The following CPLANE1 variants were observed in gnomAD, a reference collection of about 807,000 sequenced individuals.
CPLANE1 encodes ciliogenesis and planar polarity effector complex subunit 1, also known as ciliogenesis and planar polarity effector 1.
Under a neutral mutation model 362.5 loss-of-function variants are expected in CPLANE1, and 263 were observed. The ratio of observed to expected loss-of-function variants is 0.73; its 90% CI spans 0.66 to 0.80. CPLANE1 has a LOEUF of 0.80. Ranked by LOEUF, CPLANE1 falls within the 30% of genes least tolerant of loss-of-function variation. CPLANE1 has a pLI of 0.00. For missense variants in CPLANE1, 3,461 were observed against 3,793.4 expected (o/e 0.91, Z 2.30); for synonymous variants, 1,212 against 1,302.6 (o/e 0.93, Z 1.50).
chr5:37,226,457 G>A lies in CPLANE1; in HGVS notation c.2138C>T (p.Ser713Leu), dbSNP rs765005739. 6.4e-6 allele frequency: 10 copies of A among 1,550,834 alleles called. No homozygotes were observed. In the South Asian group the frequency reaches 1.1e-4, roughly 17 times the overall value. The part of the protein sequence containing the change: ...YILQPEVISA[S>L]ADGSKITAQD... ...AGCTGTTATTTTACTTCCATCAGCTGATGCTGAAATAACTTCAGGTTGAAG... is the reference window on the plus strand; with the variant it reads ...AGCTGTTATTTTACTTCCATCAGCTAATGCTGAAATAACTTCAGGTTGAAG... Residue 713 changes from serine (S) to leucine (L), a missense_variant, in exon 12 of 53, where the codon TCA (serine) becomes TTA (leucine). Ser to Leu is a moderately radical substitution (Grantham distance 145, BLOSUM62 -2). Around this residue, in one of 2 missense-constraint regions of CPLANE1, gnomAD observed 3,380 missense variants for 3,666.1 expected, o/e 0.92. Transcript: ENST00000651892.
At position 37,209,147 on chromosome 5, in the gene CPLANE1, C is replaced by CGCGAAGAAA. The variant is rs1791847836; in HGVS notation, c.2921-2731_2921-2723dup. Reference sequence around the variant, plus strand: ...ACGGTCCTCACTCATTCCTCAGAACCGCGAAGAAAGGAAGCTAGCGTGTTT... The same window carrying CGCGAAGAAA: ...ACGGTCCTCACTCATTCCTCAGAACCGCGAAGAAAGCGAAGAAAGGAAGCTAGCGTGTTT... On this transcript the variant is annotated intron_variant, in intron 16 of 52. Transcript: ENST00000651892. The surrounding 1 kb of genome is among the most constrained non-coding windows in gnomAD (Gnocchi z 4.6). Among the ~76,000 whole-genome samples, 4 of 152,284 alleles carry CGCGAAGAAA rather than the reference C, an allele frequency of 2.6e-5. No homozygotes were observed. Among genetic ancestry groups the CGCGAAGAAA allele is most frequent in the Admixed American group, 2.6e-4 (4 of 15,296 alleles).
intron 38 of CPLANE1, among the ~76,000 whole-genome samples, chr5:37,162,139 A>T (rs1454544545): frequency 1.3e-5 from 2 of 152,204 alleles, no homozygotes; most frequent in Non-Finnish European, 2.9e-5. Context: ...CACCTTCACT[A>T]GCCACAATCC....
At chr5:37,101,449 C>A (rs566598039), downstream of CPLANE1, among the ~76,000 whole-genome samples, 16 of 152,296 alleles carry the variant, frequency 1.1e-4, no homozygotes, top group East Asian at 1.3e-3. Context: ...AGGGAGGAAG[C>A]CGACTTGATC....
intron 4 of CPLANE1, 115 bp from the exon 5 acceptor site, chr5:37,244,722 G>T: frequency 1.4e-6 from 1 of 721,460 alleles, no homozygotes; most frequent in Non-Finnish European, 2.2e-6. Flanking sequence ...TACCATTCAG[G>T]ATGTCAAAAC....
At chr5:37,078,770 A>G in the CPLANE1 span, among the ~76,000 whole-genome samples, 10 of 148,244 alleles carry the variant, frequency 6.7e-5, no homozygotes, top group Admixed American at 5.4e-4. Context: ...GTGAGATGGT[A>G]TTTCATTGTG....
chr5:37,076,757 T>TTGAG, the CPLANE1 span, among the ~76,000 whole-genome samples: 1 of 151,456 alleles, frequency 6.6e-6, no homozygotes, highest in Non-Finnish European at 1.5e-5. Context: ...TTATTTCTTC[T>TTGAG]TGAGTTATTT....
chr5:37,185,080 C>G lies in CPLANE1; in HGVS notation c.4190-1G>C. 2 of 1,591,970 alleles carry G rather than the reference C, an allele frequency of 1.3e-6. No homozygotes were observed. The highest frequency in any genetic ancestry group is 8.5e-7 in the Non-Finnish European group (1 of 1,173,048). On this transcript the variant is annotated splice_acceptor_variant, in intron 24 of 52. Coordinates refer to ENST00000651892, the MANE Select transcript of CPLANE1 (RefSeq NM_001384732.1). LOFTEE classifies it high-confidence loss of function. ...GACATCATTTCCTCAGTCTGGGGTC[C>G]TGGAAAGAAAAGAATAAAAAGTCTT...
intron 19 of CPLANE1, among the ~76,000 whole-genome samples, chr5:37,199,651 A>C (rs1297167927): frequency 6.6e-6 from 1 of 152,204 alleles, no homozygotes; most frequent in Non-Finnish European, 1.5e-5. Flanking sequence ...CCAGTAGCTA[A>C]AGATTATTTT....
intron 43 of CPLANE1, among the ~76,000 whole-genome samples, chr5:37,144,579 C>T (rs1176246248): frequency 6.6e-6 from 1 of 151,782 alleles, no homozygotes. Context: ...AGGCCGGGCA[C>T]GGTGGCTCAT....
intron 8 of CPLANE1, among the ~76,000 whole-genome samples, chr5:37,236,735 A>C (rs1273637062): frequency 2.0e-5 from 3 of 151,992 alleles, no homozygotes; most frequent in Non-Finnish European, 4.4e-5. Flanking sequence ...AAAAAAAAAA[A>C]AACCTCATTA....
chr5:37,100,368 C>A, the CPLANE1 span, among the ~76,000 whole-genome samples: 1 of 152,142 alleles, frequency 6.6e-6, no homozygotes. Flanking sequence ...AAAAGGGAAT[C>A]TTTTCCCCTT....
At position 37,120,356 on chromosome 5, in the gene CPLANE1, CATAATT is replaced by C. The variant is rs1299300765; in HGVS notation, c.9186-22_9186-17del. ...TTGATTCTCTCTATAGTAGAAATCACATAATTATTACATTCCCAGAATCTCATATCA... is the reference window on the plus strand; with the variant it reads ...TTGATTCTCTCTATAGTAGAAATCACATTACATTCCCAGAATCTCATATCA... On this transcript the variant is annotated splice_polypyrimidine_tract_variant and intron_variant, in intron 49 of 52. Transcript: ENST00000651892. 1.3e-6 allele frequency: 2 copies of C among 1,542,622 alleles called. No individual in the cohort carries two copies. Among genetic ancestry groups the C allele is most frequent in the Admixed American group, 2.4e-5 (1 of 42,012 alleles).
At chr5:37,195,632 C>G (rs1325534282) in intron 21 of CPLANE1, among the ~76,000 whole-genome samples, 1 of 151,628 alleles carries the variant, frequency 6.6e-6, no homozygotes, top group Non-Finnish European at 1.5e-5. Flanking sequence ...AATAATGAAG[C>G]ATGACATAAG....
chr5:37,133,823 G>A (rs1407829014), intron 46 of CPLANE1, among the ~76,000 whole-genome samples: 1 of 152,042 alleles, frequency 6.6e-6, no homozygotes, highest in Non-Finnish European at 1.5e-5. Context: ...AAATAGAAGT[G>A]GTAAGATTAA....
intron 44 of CPLANE1, chr5:37,140,755 C>T (rs1449299860): frequency 1.0e-6 from 1 of 985,252 alleles, no homozygotes; most frequent in Non-Finnish European, 1.2e-6. Flanking sequence ...AACAAGTTGC[C>T]CTTTCTCCTA....
At chr5:37,115,094 G>A (rs370011303) in intron 50 of CPLANE1, 45 bp from the exon 51 acceptor site, 1 of 1,192,586 alleles carries the variant, frequency 8.4e-7, no homozygotes, top group Non-Finnish European at 1.2e-6. Context: ...AGACATCCAT[G>A]ATTTTTATAT....
At chr5:37,177,806 G>C (rs1323266282) in intron 29 of CPLANE1, 106 bp from the exon 30 acceptor site, 3 of 804,486 alleles carry the variant, frequency 3.7e-6, no homozygotes, top group Non-Finnish European at 6.2e-6. Context: ...AGTAACAACA[G>C]TCTACAAGCA....
chr5:37,206,222 A>C lies in CPLANE1; in HGVS notation c.3124T>G (p.Cys1042Gly). The change falls in exon 17 of 53, where the codon TGT (cysteine) becomes GGT (glycine). Residue 1042 changes from cysteine (C) to glycine (G), a missense_variant. Physicochemically the swap from Cys to Gly is radical, Grantham distance 159. This residue lies in a region of CPLANE1 where 3,380 missense variants were observed against 3,666.1 expected (regional missense o/e 0.92). Transcript: ENST00000651892. ...CTCATGAAATTGCTATCACGTTTAC[A>C]GAACAGCTGGAAAGCCACACCAATT... is the stretch of plus-strand genomic sequence containing the variant. The part of the protein sequence containing the change: ...VSIGVAFQLF[C>G]KRDSNFMRSK... 1 of 1,551,816 alleles carries C rather than the reference A, an allele frequency of 6.4e-7. No homozygotes were observed. Among genetic ancestry groups the C allele is most frequent in the Non-Finnish European group, 8.7e-7 (1 of 1,146,902 alleles).
the CPLANE1 span, among the ~76,000 whole-genome samples, chr5:37,097,037 G>A: frequency 6.6e-6 from 1 of 152,180 alleles, no homozygotes; most frequent in East Asian, 1.9e-4. Context: ...ATTATATAAC[G>A]ATAAAGGGAT....
Sources: allele counts gnomAD v4.1 joint callset (sites outside exome capture counted in the v4.1 genomes callset), GRCh38; gene constraint gnomAD v4.1.1; regional missense constraint gnomAD v4.1.1; non-coding constraint Gnocchi (gnomAD v3.1); transcripts MANE v1.5; gene names NCBI Gene and HGNC (gene_info 2026-07-23, HGNC 2026-07-21).